TEX9: variants seen among roughly 807,000 people sequenced by gnomAD.
TEX9 encodes the protein testis expressed 9, also known as testis-expressed protein 9.
TEX9 carries 74 observed loss-of-function variants against 59.6 expected under a neutral mutation model. The observed-to-expected ratio is 1.24, with a 90% CI of 1.03 to 1.51. The LOEUF (loss-of-function observed/expected upper bound fraction) is 1.51, where lower values mean the gene tolerates loss of function less well. TEX9 is among the 40% of genes most tolerant of loss of function. TEX9 has a pLI of 0.00. For synonymous variants in TEX9, 186 were observed against 152.2 expected (o/e 1.22, Z -1.64); for missense variants, 522 against 447.8 (o/e 1.17, Z -1.49).
chr15:56,398,655 G>T (rs11855094), intron 9 of TEX9, among the ~76,000 whole-genome samples: 1 of 151,868 alleles, frequency 6.6e-6, no homozygotes, highest in African/African-American at 2.4e-5. Context: ...CTTATTTTCA[G>T]TTCCCATTTT....
chr15:56,368,140 T>C (rs1208026664), intron 2 of TEX9, among the ~76,000 whole-genome samples: 1 of 152,174 alleles, frequency 6.6e-6, no homozygotes, highest in Non-Finnish European at 1.5e-5. Flanking sequence ...TAGATTCTTT[T>C]TATTATGTTT....
chr15:56,303,489 CAAATGA>C (rs1393599867), intron 1 of TEX9, among the ~76,000 whole-genome samples: 5 of 151,946 alleles, frequency 3.3e-5, no homozygotes, highest in Non-Finnish European at 5.9e-5. Context: ...TTTCTTGAAA[CAAATGA>C]AAATGGAAAC....
At chr15:56,272,280 C>T (rs193146443) in intron 1 of TEX9, among the ~76,000 whole-genome samples, 32 of 152,314 alleles carry the variant, frequency 2.1e-4, no homozygotes, top group African/African-American at 7.2e-4. Context: ...TTCCAATTCT[C>T]CCCTTGCTCC....
At chr15:56,398,508 G>T (rs536169681) in intron 9 of TEX9, among the ~76,000 whole-genome samples, 349 of 152,270 alleles carry the variant, frequency 2.3e-3, no homozygotes, top group Non-Finnish European at 4.3e-3. Flanking sequence ...TTACCGTTAT[G>T]CACCCAAGCT....
At chr15:56,440,766 T>C (rs539177700) in intron 12 of TEX9, among the ~76,000 whole-genome samples, 23 of 152,218 alleles carry the variant, frequency 1.5e-4, no homozygotes, top group Non-Finnish European at 2.8e-4. Flanking sequence ...AGGCACATAC[T>C]TTTAAATTTA....
upstream of TEX9, among the ~76,000 whole-genome samples, chr15:56,362,088 G>C (rs1162477679): frequency 1.3e-5 from 2 of 152,234 alleles, no homozygotes; most frequent in East Asian, 1.9e-4. Context: ...GTTCTAGCTT[G>C]GTGAATGTTC....
rs558320555 is a variant in TEX9, at chr15:56,290,414, G to T, written c.-107+46136G>T. Among the ~76,000 whole-genome samples, 149 of 152,092 alleles carry T rather than the reference G, an allele frequency of 9.8e-4. 1 individual carries two copies. The highest frequency in any genetic ancestry group is 3.4e-3 in the African/African-American group (143 of 41,470). ...CTTTTTTGCTCCTAGTGATCTCTTG[G>T]TGTCTCAGGTATGTTGATTTCATCA... On this transcript the variant is annotated intron_variant, in intron 1 of 5. Coordinates refer to the TEX9 transcript ENST00000560827.
chr15:56,371,090 A>T (rs1170733719), intron 2 of TEX9, among the ~76,000 whole-genome samples: 1 of 151,872 alleles, frequency 6.6e-6, no homozygotes, highest in Non-Finnish European at 1.5e-5. Context: ...GCCTCAAGTG[A>T]TCCTCCCTCC....
chr15:56,371,708 T>C (rs1426559039), intron 2 of TEX9, among the ~76,000 whole-genome samples: 3 of 152,196 alleles, frequency 2.0e-5, no homozygotes, highest in African/African-American at 7.2e-5. Flanking sequence ...TTTACTAGTT[T>C]CGAGTTTTGA....
the TEX9 span, among the ~76,000 whole-genome samples, chr15:56,460,009 A>ACAT: frequency 1.2e-3 from 32 of 26,372 alleles, no homozygotes; most frequent in East Asian, 3.4e-3. Flanking sequence ...AAAAAAAAAA[A>ACAT]ATACATATAT....
chr15:56,444,546 A>C (rs574496323), intron 12 of TEX9: 2 of 1,612,222 alleles, frequency 1.2e-6, no homozygotes, highest in Non-Finnish European at 1.7e-6. Context: ...TTGTTCTTCA[A>C]GTTGTTTCTC....
At chr15:56,269,908 G>A (rs78012979) in intron 1 of TEX9, among the ~76,000 whole-genome samples, 3 of 152,052 alleles carry the variant, frequency 2.0e-5, no homozygotes, top group Admixed American at 1.3e-4. Context: ...CGCCCACCTC[G>A]GCCTCCCAAA....
chr15:56,388,986 G>T (rs2048085882), intron 5 of TEX9, among the ~76,000 whole-genome samples: 1 of 152,016 alleles, frequency 6.6e-6, no homozygotes, highest in Non-Finnish European at 1.5e-5. Flanking sequence ...AAGGCCACGG[G>T]AGGTCTGCCT....
chr15:56,430,282 C>A (rs1456757072), intron 12 of TEX9, among the ~76,000 whole-genome samples, 128 bp downstream of exon 12: 2 of 152,212 alleles, frequency 1.3e-5, no homozygotes, highest in Admixed American at 1.3e-4. Flanking sequence ...TCATGGGTCA[C>A]TGCAGCTTCA....
chr15:56,341,526 T>C (rs1172778934), intron 1 of TEX9, among the ~76,000 whole-genome samples: 2 of 152,088 alleles, frequency 1.3e-5, no homozygotes, highest in Non-Finnish European at 2.9e-5. Context: ...GATGTGTCAT[T>C]GGTTGGATTT....
chr15:56,310,074 T>TAA (rs1295270437), intron 1 of TEX9, among the ~76,000 whole-genome samples: 1 of 152,180 alleles, frequency 6.6e-6, no homozygotes, highest in African/African-American at 2.4e-5. Flanking sequence ...TGAGTTTTCT[T>TAA]AGGCAGGCAC....
intron 1 of TEX9, among the ~76,000 whole-genome samples, chr15:56,279,305 T>G (rs1194446637): frequency 6.6e-6 from 1 of 152,172 alleles, no homozygotes. Flanking sequence ...GCCATAAAAG[T>G]GAACTGTGTT....
At chr15:56,367,708 G>A (rs1278838224) in intron 2 of TEX9, among the ~76,000 whole-genome samples, 1 of 151,990 alleles carries the variant, frequency 6.6e-6, no homozygotes, top group Non-Finnish European at 1.5e-5. Flanking sequence ...TCCATTTATG[G>A]GTTTTTACCT....
intron 1 of TEX9, among the ~76,000 whole-genome samples, chr15:56,268,010 T>A (rs1478194510): frequency 6.6e-6 from 1 of 152,180 alleles, no homozygotes; most frequent in African/African-American, 2.4e-5. Context: ...TGAGCAGTGG[T>A]TTGTAGTTCT....
Sources: allele counts gnomAD v4.1 joint callset (sites outside exome capture counted in the v4.1 genomes callset), GRCh38; gene constraint gnomAD v4.1.1; transcripts MANE v1.5; gene names NCBI Gene and HGNC (gene_info 2026-07-23, HGNC 2026-07-21).